Variants in SLC39A11 observed in about 807,000 individuals in gnomAD.
The protein encoded by SLC39A11 is solute carrier family 39 member 11.
SLC39A11 carries 33 observed loss-of-function variants against 36.1 expected under a neutral mutation model. The ratio of observed to expected loss-of-function variants is 0.91; its 90% CI spans 0.69 to 1.22. The LOEUF is 1.22. SLC39A11 is among the 50% of genes most tolerant of loss of function. The pLI is 0.00. For synonymous variants in SLC39A11, 166 were observed against 170.3 expected (o/e 0.97, Z 0.20); for missense variants, 432 against 430.3 (o/e 1.00, Z -0.03).
intron 7 of SLC39A11, among the ~76,000 whole-genome samples, chr17:72,725,938 G>C (rs1422708061): frequency 6.6e-6 from 1 of 152,204 alleles, no homozygotes; most frequent in African/African-American, 2.4e-5. Flanking sequence ...TTTTTCTGCT[G>C]TGAAAGGGTG....
At chr17:72,669,981 C>CATATATACGTATAGATGTATATACACAT (rs71152202) in intron 7 of SLC39A11, among the ~76,000 whole-genome samples, 5 of 124,714 alleles carry the variant, frequency 4.0e-5, no homozygotes, top group African/African-American at 1.2e-4. Flanking sequence ...TGTATATACA[C>CATATATACGTATAGATGTATATACACAT]ATATATACGT....
chr17:72,736,279 C>A (rs1293151970), intron 7 of SLC39A11, among the ~76,000 whole-genome samples: 3 of 152,046 alleles, frequency 2.0e-5, no homozygotes, highest in Non-Finnish European at 2.9e-5. Context: ...AACGAAGGGA[C>A]CCTAGCATCA....
chr17:72,828,431 T>G (rs573935097), intron 6 of SLC39A11, among the ~76,000 whole-genome samples: 1 of 152,234 alleles, frequency 6.6e-6, no homozygotes, highest in Non-Finnish European at 1.5e-5. Flanking sequence ...AAGAAATTGA[T>G]TCTCTCCTAG....
chr17:72,933,529 TG>T (rs1232084623), intron 5 of SLC39A11, among the ~76,000 whole-genome samples: 3 of 152,192 alleles, frequency 2.0e-5, no homozygotes, highest in African/African-American at 7.2e-5. Flanking sequence ...CATTGGGATT[TG>T]TTTTTCTGAG....
intron 7 of SLC39A11, among the ~76,000 whole-genome samples, chr17:72,661,627 C>G (rs1362828819): frequency 3.3e-5 from 5 of 152,172 alleles, no homozygotes; most frequent in East Asian, 3.9e-4. Context: ...ACTAGGGCAG[C>G]CTGTCGAGGT....
At chr17:72,752,009 G>A (rs1046895497) in intron 6 of SLC39A11, among the ~76,000 whole-genome samples, 3 of 152,104 alleles carry the variant, frequency 2.0e-5, no homozygotes, top group South Asian at 4.1e-4. Flanking sequence ...GACTCCTCAG[G>A]TGTCTCGCAG....
At chr17:72,844,520 G>A (rs770708079) in intron 6 of SLC39A11, among the ~76,000 whole-genome samples, 44 of 152,030 alleles carry the variant, frequency 2.9e-4, no homozygotes, top group Non-Finnish European at 6.0e-4. Context: ...AATACAAAAA[G>A]TAGCCAGGTG....
intron 4 of SLC39A11, among the ~76,000 whole-genome samples, chr17:73,011,293 C>T (rs7216928): frequency 0.051 from 7,757 of 152,198 alleles, 449 homozygotes; most frequent in African/African-American, 0.13. Flanking sequence ...AGGAAGGAAA[C>T]CGGAAGGATG....
chr17:72,827,106 T>G (rs941844874), intron 6 of SLC39A11, among the ~76,000 whole-genome samples: 1 of 152,228 alleles, frequency 6.6e-6, no homozygotes, highest in Admixed American at 6.5e-5. Context: ...CAAATGCTTA[T>G]TAACTGATGA....
At chr17:72,748,321 C>CAA (rs10657048) in intron 6 of SLC39A11, among the ~76,000 whole-genome samples, 30,979 of 147,318 alleles carry the variant, frequency 0.21, 6,544 homozygotes, top group African/African-American at 0.55. Flanking sequence ...GACTCCATCT[C>CAA]AAAAAAAAAA....
chr17:73,042,231 C>T (rs1476489801), intron 3 of SLC39A11, among the ~76,000 whole-genome samples: 1 of 152,134 alleles, frequency 6.6e-6, no homozygotes, highest in Non-Finnish European at 1.5e-5. Context: ...AGCCACAAAA[C>T]AAAATTTTTC....
At chr17:72,757,585 C>T (rs1034663552) in intron 6 of SLC39A11, among the ~76,000 whole-genome samples, 2 of 151,972 alleles carry the variant, frequency 1.3e-5, no homozygotes, top group African/African-American at 4.8e-5. Context: ...CCATTAGTGG[C>T]AGGCACTCCC....
intron 7 of SLC39A11, among the ~76,000 whole-genome samples, chr17:72,714,353 C>A (rs1459377984): frequency 6.6e-6 from 1 of 151,110 alleles, no homozygotes; most frequent in Admixed American, 6.6e-5. Flanking sequence ...AAGGCTCTTT[C>A]TCTCTCTCTC....
intron 4 of SLC39A11, among the ~76,000 whole-genome samples, chr17:72,972,730 A>C (rs2087548297): frequency 6.6e-6 from 1 of 152,102 alleles, no homozygotes; most frequent in African/African-American, 2.4e-5. Context: ...GTAGCAACCA[A>C]AGACAGCCCT....
At chr17:72,943,745 C>T (rs1292563851) in intron 5 of SLC39A11, among the ~76,000 whole-genome samples, 5 of 152,250 alleles carry the variant, frequency 3.3e-5, no homozygotes, top group South Asian at 4.1e-4. Context: ...GCTAATAGAC[C>T]GATGAAATTC....
intron 5 of SLC39A11, among the ~76,000 whole-genome samples, chr17:72,850,206 C>A (rs959631088): frequency 6.6e-6 from 1 of 152,104 alleles, no homozygotes; most frequent in African/African-American, 2.4e-5. Flanking sequence ...CCCAACACTT[C>A]GGGAGGCTGA....
At chr17:72,819,272 G>A (rs4318253) in intron 6 of SLC39A11, among the ~76,000 whole-genome samples, 57,148 of 150,720 alleles carry the variant, frequency 0.38, 14,268 homozygotes, top group Non-Finnish European at 0.51. Context: ...AGAAGATGAC[G>A]TCAAGAGACA....
At chr17:72,751,794 C>T (rs1291761987) in intron 6 of SLC39A11, among the ~76,000 whole-genome samples, 2 of 152,170 alleles carry the variant, frequency 1.3e-5, no homozygotes, top group South Asian at 2.1e-4. Flanking sequence ...CCAGGCTGGT[C>T]TCGAACCCCT....
intron 7 of SLC39A11, among the ~76,000 whole-genome samples, chr17:72,706,480 C>G (rs1387478490): frequency 1.3e-5 from 2 of 152,176 alleles, no homozygotes; most frequent in South Asian, 4.1e-4. Flanking sequence ...AAAGAATTCT[C>G]AATTCTCAAA....
Sources: gnomAD v4.1 joint callset for allele counts (sites outside exome capture counted in the v4.1 genomes callset) on GRCh38, gnomAD v4.1.1 for gene constraint, MANE v1.5 for transcripts, NCBI Gene and HGNC (gene_info 2026-07-23, HGNC 2026-07-21) for gene names.